The following FYN variants were observed in gnomAD, a reference collection of about 807,000 sequenced individuals.
FYN encodes the protein FYN proto-oncogene, Src family tyrosine kinase, also known as tyrosine-protein kinase Fyn.
FYN carries 10 observed loss-of-function variants against 70.2 expected under a neutral mutation model. That is an observed-to-expected ratio of 0.14 (90% CI 0.09 to 0.24). The LOEUF (loss-of-function observed/expected upper bound fraction) is 0.24. FYN is among the 10% of genes least tolerant of loss of function. FYN has a pLI of 1.00. For synonymous variants in FYN, 236 were observed against 248.6 expected, an observed-to-expected ratio of 0.95 and a Z score of 0.48; for missense variants, 319 against 673.1, an observed-to-expected ratio of 0.47 and a Z score of 5.82.
intron 3 of FYN, among the ~76,000 whole-genome samples, chr6:111,735,431 C>T (rs1161600414): frequency 6.6e-6 from 1 of 152,192 alleles, no homozygotes; most frequent in East Asian, 1.9e-4. Flanking sequence ...CCATCAACAT[C>T]CTGTGCTGGG....
chr6:111,830,299 G>A (rs1281576130), intron 2 of FYN, among the ~76,000 whole-genome samples: 1 of 152,196 alleles, frequency 6.6e-6, no homozygotes, highest in Non-Finnish European at 1.5e-5. Flanking sequence ...AGACAGATAT[G>A]CAAGGAACCT....
intron 1 of FYN, among the ~76,000 whole-genome samples, chr6:111,859,531 G>T (rs950164840): frequency 2.6e-5 from 4 of 152,182 alleles, no homozygotes; most frequent in African/African-American, 7.2e-5. Flanking sequence ...CCAGTTCATA[G>T]AAAAGTTCCA....
At chr6:111,731,091 A>T (rs185426044) in intron 3 of FYN, among the ~76,000 whole-genome samples, 130 of 152,312 alleles carry the variant, frequency 8.5e-4, no homozygotes, top group African/African-American at 3.0e-3. Flanking sequence ...CCCCCTCCCC[A>T]AGTACGAGGA....
chr6:111,689,756 G>A (rs1339640943), intron 12 of FYN, among the ~76,000 whole-genome samples: 1 of 152,158 alleles, frequency 6.6e-6, no homozygotes, highest in Non-Finnish European at 1.5e-5. Context: ...GGGGAAAAAA[G>A]GCTATTTGTG....
At chr6:111,673,406 G>C (rs1798384375) in intron 13 of FYN, among the ~76,000 whole-genome samples, 1 of 152,108 alleles carries the variant, frequency 6.6e-6, no homozygotes, top group Non-Finnish European at 1.5e-5. Flanking sequence ...GCTCTCCTAG[G>C]AGTCTCAAGG....
At chr6:111,752,360 T>C (rs1378142711) in intron 3 of FYN, among the ~76,000 whole-genome samples, 1 of 152,250 alleles carries the variant, frequency 6.6e-6, no homozygotes, top group Non-Finnish European at 1.5e-5. Flanking sequence ...CAGCTTTTGA[T>C]AAAACAAGTG....
intron 3 of FYN, among the ~76,000 whole-genome samples, chr6:111,769,294 A>G (rs989494249): frequency 5.9e-5 from 9 of 152,226 alleles, no homozygotes; most frequent in African/African-American, 2.2e-4. Context: ...TCTAATTAGT[A>G]ATATGGGACA....
At chr6:111,844,201 C>T (rs1000611952) in intron 2 of FYN, among the ~76,000 whole-genome samples, 6 of 152,190 alleles carry the variant, frequency 3.9e-5, no homozygotes, top group African/African-American at 1.4e-4. Context: ...TTAATTAATA[C>T]AGAATTTATG....
chr6:111,764,779 A>C (rs1296814768), intron 3 of FYN, among the ~76,000 whole-genome samples: 1 of 152,148 alleles, frequency 6.6e-6, no homozygotes, highest in Non-Finnish European at 1.5e-5. Context: ...AAGAAAAAAA[A>C]CCCCATGGAC....
intron 2 of FYN, among the ~76,000 whole-genome samples, chr6:111,814,865 T>C (rs912789968): frequency 6.6e-6 from 1 of 152,238 alleles, no homozygotes; most frequent in Non-Finnish European, 1.5e-5. Flanking sequence ...TGAACACGTA[T>C]GCATGAGTGC....
At chr6:111,703,172 G>A in intron 7 of FYN, 138 bp from the exon 8 acceptor site, 1 of 710,192 alleles carries the variant, frequency 1.4e-6, no homozygotes, top group Non-Finnish European at 2.3e-6. Context: ...TCTCCACTCA[G>A]TAACAGGAAG....
chr6:111,775,396 T>G (rs983946848), intron 3 of FYN, among the ~76,000 whole-genome samples: 3 of 152,140 alleles, frequency 2.0e-5, no homozygotes, highest in African/African-American at 4.8e-5. Context: ...GGAACGAAAA[T>G]GATACTTTTC....
intron 3 of FYN, among the ~76,000 whole-genome samples, chr6:111,770,488 C>T (rs1245465500): frequency 1.3e-5 from 2 of 152,036 alleles, no homozygotes; most frequent in African/African-American, 4.8e-5. Context: ...GGTGACAGGT[C>T]AGGGTAAAGC....
intron 2 of FYN, among the ~76,000 whole-genome samples, chr6:111,804,332 C>T (rs977402618): frequency 4.6e-5 from 7 of 152,262 alleles, no homozygotes; most frequent in South Asian, 2.1e-4. Context: ...GCTTTAGAAG[C>T]GGCACCCTCT....
chr6:111,806,193 G>C (rs1772141510), intron 2 of FYN, among the ~76,000 whole-genome samples: 1 of 152,158 alleles, frequency 6.6e-6, no homozygotes, highest in African/African-American at 2.4e-5. Context: ...TGTGTTCGGA[G>C]ATGAAATACA....
At chr6:111,853,164 C>CAAG (rs1163455713) in intron 1 of FYN, among the ~76,000 whole-genome samples, 23 of 152,048 alleles carry the variant, frequency 1.5e-4, no homozygotes, top group Non-Finnish European at 3.1e-4. Flanking sequence ...TTCATACTTC[C>CAAG]AAGAGGTGGG....
chr6:111,773,528 G>GGGGAGAGGGAGA (rs558785700), intron 3 of FYN, among the ~76,000 whole-genome samples: 1 of 39,466 alleles, frequency 2.5e-5, no homozygotes, highest in African/African-American at 1.1e-4. Flanking sequence ...TGAGAGAGAG[G>GGGGAGAGGGAGA]GGGAGAGGGA....
chr6:111,698,593 C>G (rs1057500290), intron 9 of FYN, among the ~76,000 whole-genome samples: 2 of 152,064 alleles, frequency 1.3e-5, no homozygotes, highest in Non-Finnish European at 2.9e-5. Context: ...TTGAGTGGGG[C>G]CTAAACCCAT....
chr6:111,683,730 A>C lies in FYN; in HGVS notation c.1274-9100T>G, dbSNP rs528169928. Among the ~76,000 whole-genome samples the C allele has an allele frequency of 4.5e-3, 680 of 149,490 alleles. 5 individuals are homozygous for C. Among genetic ancestry groups the C allele is most frequent in the Non-Finnish European group, 7.9e-3 (534 of 67,562 alleles). ...AAAGTTACTCTGGGTAATAAAACAA[A>C]AAAAAAAAATCACAAACAATGCCAA... On this transcript the variant is annotated intron_variant, in intron 12 of 13. Coordinates refer to ENST00000354650, the MANE Select transcript of FYN (RefSeq NM_002037.5).
Sources: gnomAD v4.1 joint callset for allele counts (sites outside exome capture counted in the v4.1 genomes callset) on GRCh38, gnomAD v4.1.1 for gene constraint, MANE v1.5 for transcripts, NCBI Gene and HGNC (gene_info 2026-07-23, HGNC 2026-07-21) for gene names.